Variants in PCDHGB5 observed in about 807,000 individuals in gnomAD.
PCDHGB5 encodes the protein protocadherin gamma subfamily B, 5.
Under a neutral mutation model 62.9 loss-of-function variants are expected in PCDHGB5, and 48 were observed. That is an observed-to-expected ratio of 0.76 (90% confidence interval 0.61 to 0.97). The LOEUF (loss-of-function observed/expected upper bound fraction) is 0.97. Ranked by LOEUF, PCDHGB5 falls within the 50% of genes least tolerant of loss-of-function variation. PCDHGB5 has a pLI of 0.00. For missense variants in PCDHGB5, 1,118 were observed against 1,198.6 expected (o/e 0.93, Z 0.99); for synonymous variants, 474 against 511.2 (o/e 0.93, Z 0.98).
At chr5:141,413,432 G>A (rs1193674962) in intron 1 of PCDHGB5, 1 of 1,613,992 alleles carries the variant, frequency 6.2e-7, no homozygotes, top group African/African-American at 1.3e-5. Flanking sequence ...CCGCGCAGCG[G>A]CAGCTTGATC....
intron 1 of PCDHGB5, among the ~76,000 whole-genome samples, chr5:141,448,861 C>T (rs1017826063): frequency 2.0e-5 from 3 of 152,118 alleles, no homozygotes; most frequent in African/African-American, 7.2e-5. Flanking sequence ...AGGAGAATGG[C>T]GTGAACCTGG....
intron 1 of PCDHGB5, among the ~76,000 whole-genome samples, chr5:141,484,170 A>G (rs962978452): frequency 6.6e-6 from 1 of 152,210 alleles, no homozygotes; most frequent in Non-Finnish European, 1.5e-5. Context: ...TTGGTAGCTG[A>G]TCTCAATCAT....
Position 141,511,250 on chromosome 5 carries a change from CAG to C in PCDHGB5, c.*80_*81del. 2 of 1,571,674 alleles carry C rather than the reference CAG, an allele frequency of 1.3e-6. No homozygotes were observed. Among genetic ancestry groups the C allele is most frequent in the Non-Finnish European group, 1.7e-6 (2 of 1,158,794 alleles). On this transcript the variant is annotated 3_prime_UTR_variant, in exon 4 of 4. Transcript: ENST00000617380. ...CTTCTCCTTACCTGCACCCAGGCCT[CAG>C]AGTTTCAGGGCTAACCCCCAGAATA...
intron 1 of PCDHGB5, chr5:141,419,646 C>T (rs1433992932): frequency 6.2e-7 from 1 of 1,612,470 alleles, no homozygotes; most frequent in Admixed American, 1.7e-5. Flanking sequence ...GCCGTGGACG[C>T]GGACTCGGGG....
At chr5:141,411,955 A>G (rs1427605209) in intron 1 of PCDHGB5, 2 of 152,244 alleles carry the variant, frequency 1.3e-5, no homozygotes, top group Admixed American at 6.5e-5. Context: ...TTTGAAGAAA[A>G]AAGATAAAAT....
chr5:141,427,890 G>T lies in PCDHGB5; in HGVS notation c.2397+27366G>T, dbSNP rs1438515062. 1.9e-6 allele frequency: 3 copies of T among 1,566,844 alleles called. No homozygotes were observed. In the South Asian group the frequency reaches 3.3e-5, roughly 17 times the overall value. Reference sequence around the variant, plus strand: ...GCTCACGATGCAGGCCCACGACCAGGGCTCGCCCGCGCTCAGCGCCAACAT... The same window carrying T: ...GCTCACGATGCAGGCCCACGACCAGTGCTCGCCCGCGCTCAGCGCCAACAT... On this transcript the variant is annotated intron_variant, in intron 1 of 3. Transcript: ENST00000617380.
At chr5:141,461,225 T>C (rs1157429654) in intron 1 of PCDHGB5, among the ~76,000 whole-genome samples, 3 of 152,162 alleles carry the variant, frequency 2.0e-5, no homozygotes, top group African/African-American at 7.2e-5. Flanking sequence ...CTGTTTTCCA[T>C]AGAGGTTGTA....
chr5:141,497,323 G>A lies in PCDHGB5; in HGVS notation c.2456+2458G>A, dbSNP rs373068300. Reference sequence around the variant, plus strand: ...CAGGCCATACACTGGCTTTGAAGCAGAATTCACCATTGAACCTGGAAGCCC... The same window carrying A: ...CAGGCCATACACTGGCTTTGAAGCAAAATTCACCATTGAACCTGGAAGCCC... On this transcript the variant is annotated intron_variant, in intron 2 of 3. Transcript: ENST00000617380. 1.2e-4 allele frequency among the ~76,000 whole-genome samples: 19 copies of A among 152,204 alleles called. No homozygotes were observed. In the East Asian group the frequency reaches 3.5e-3, roughly 28 times the overall value.
Position 141,476,241 on chromosome 5 carries a change from A to G in PCDHGB5, c.2398-18566A>G, listed in dbSNP as rs375405507. ...CACTATGAGATCCCGGAGGAAAGAG[A>G]GAAGGGTTTCGCTGTGGGCAACGTG... On this transcript the variant is annotated intron_variant, in intron 1 of 3. Transcript: ENST00000617380. The surrounding 1 kb of genome is among the most constrained non-coding windows in gnomAD (Gnocchi z 7.6). 3.7e-6 allele frequency: 6 copies of G among 1,613,626 alleles called. No homozygotes were observed. The highest frequency in any genetic ancestry group is 2.2e-5 in the East Asian group (1 of 44,834).
At chr5:141,418,124 C>G (rs762154093) in intron 1 of PCDHGB5, 1 of 1,613,836 alleles carries the variant, frequency 6.2e-7, no homozygotes, top group African/African-American at 1.3e-5. Context: ...TGTGAAGGAC[C>G]GAATAGACCG....
Position 141,487,256 on chromosome 5 carries a change from G to T in PCDHGB5, c.2398-7551G>T. On this transcript the variant is annotated intron_variant, in intron 1 of 3. Coordinates refer to ENST00000617380, the MANE Select transcript of PCDHGB5 (RefSeq NM_018925.3). This position sits in a 1 kb window ranked among gnomAD's most constrained non-coding sequence, Gnocchi z 5.0. Reference sequence around the variant, plus strand: ...ATCTCGTCTAACCCTCTACTTGGCTGTGTCCCTAGTGGCAATTTGCTTTGT... The same window carrying T: ...ATCTCGTCTAACCCTCTACTTGGCTTTGTCCCTAGTGGCAATTTGCTTTGT... The T allele has an allele frequency of 2.5e-6, 4 of 1,614,166 alleles. No homozygotes were observed. Among genetic ancestry groups the T allele is most frequent in the Non-Finnish European group, 2.5e-6 (3 of 1,180,032 alleles).
intron 1 of PCDHGB5, among the ~76,000 whole-genome samples, chr5:141,494,361 G>A (rs1311268562): frequency 6.6e-6 from 1 of 152,184 alleles, no homozygotes; most frequent in African/African-American, 2.4e-5. Flanking sequence ...TGCTGCAGAG[G>A]ATGCTTTGTT....
chr5:141,485,067 C>G lies in PCDHGB5; in HGVS notation c.2398-9740C>G, dbSNP rs944494894. On this transcript the variant is annotated intron_variant, in intron 1 of 3. Transcript: ENST00000617380. This position sits in a 1 kb window ranked among gnomAD's most constrained non-coding sequence, Gnocchi z 5.7. Reference sequence around the variant, plus strand: ...CGGCGCCGGCCGAACCGCGCCAGAGCTGGCGCGGGGAAAGGGAGATAGGTG... The same window carrying G: ...CGGCGCCGGCCGAACCGCGCCAGAGGTGGCGCGGGGAAAGGGAGATAGGTG... 21 of 894,418 alleles carry G rather than the reference C, an allele frequency of 2.3e-5. No individual in the cohort carries two copies. The highest frequency in any genetic ancestry group is 1.8e-4 in the Admixed American group (8 of 43,320). 55.4% of individuals were successfully genotyped at this position (894,418 alleles called of 1,614,324 possible). A position where few individuals can be genotyped will look rare whatever the true frequency, so the allele number is the denominator to read the frequency against.
At chr5:141,484,866 C>T in intron 1 of PCDHGB5, 1 of 275,618 alleles carries the variant, frequency 3.6e-6, no homozygotes, top group Non-Finnish European at 6.8e-6. Flanking sequence ...GGTGGGGGAG[C>T]GTGGAGGATA....
At position 141,477,576 on chromosome 5, in the gene PCDHGB5, C is replaced by A; in HGVS notation, c.2398-17231C>A. The A allele has an allele frequency of 6.2e-7, 1 of 1,614,162 alleles. No homozygotes were observed. The highest frequency in any genetic ancestry group is 8.5e-7 in the Non-Finnish European group (1 of 1,180,026). On this transcript the variant is annotated intron_variant, in intron 1 of 3. Transcript: ENST00000617380. The surrounding 1 kb of genome is among the most constrained non-coding windows in gnomAD (Gnocchi z 4.9). ...CTAAGTGTCTGGGACCCCGACGCCC[C>A]GCAGAATGCTCGGCTTTCTTTCTTT...
intron 2 of PCDHGB5, among the ~76,000 whole-genome samples, chr5:141,498,601 G>A (rs2099784606): frequency 6.6e-6 from 1 of 152,126 alleles, no homozygotes; most frequent in African/African-American, 2.4e-5. Flanking sequence ...CTTGGTTCAA[G>A]TTCAAGTCAG....
chr5:141,421,512 G>T, intron 1 of PCDHGB5: 2 of 1,614,094 alleles, frequency 1.2e-6, no homozygotes, highest in Non-Finnish European at 1.7e-6. Context: ...ACCGGGAGGA[G>T]CTCTGTGAGA....
chr5:141,447,558 G>T (rs551305232), intron 1 of PCDHGB5, among the ~76,000 whole-genome samples: 1 of 152,264 alleles, frequency 6.6e-6, no homozygotes, highest in African/African-American at 2.4e-5. Context: ...GAGTACACTT[G>T]GAGGATTCTA....
At chr5:141,444,834 A>G (rs892892307) in intron 1 of PCDHGB5, among the ~76,000 whole-genome samples, 1 of 152,132 alleles carries the variant, frequency 6.6e-6, no homozygotes, top group African/African-American at 2.4e-5. Context: ...TTGTAGCTTT[A>G]TAGTAAGTCT....
Sources: allele counts gnomAD v4.1 joint callset (sites outside exome capture counted in the v4.1 genomes callset), GRCh38; gene constraint gnomAD v4.1.1; non-coding constraint Gnocchi (gnomAD v3.1); transcripts MANE v1.5; gene names NCBI Gene and HGNC (gene_info 2026-07-23, HGNC 2026-07-21).